The following RORA variants were observed in gnomAD, a reference collection of about 807,000 sequenced individuals.
The protein encoded by RORA is nuclear receptor ROR-alpha.
A neutral mutation model predicts 69.5 loss-of-function variants in RORA; 7 were observed. That is an observed-to-expected ratio of 0.10 (90% CI 0.06 to 0.19). The LOEUF is 0.19. Ranked by LOEUF, RORA falls within the 10% of genes least tolerant of loss-of-function variation. The pLI is 1.00. For missense variants in RORA, 457 were observed against 663.0 expected (o/e 0.69, Z 3.41); for synonymous variants, 261 against 240.8 (o/e 1.08, Z -0.78).
chr15:60,767,062 G>C (rs8025689), intron 1 of RORA, among the ~76,000 whole-genome samples: 30,647 of 152,154 alleles, frequency 0.2, 3,586 homozygotes, highest in African/African-American at 0.33. Context: ...ATTCAGATTA[G>C]TAACTAACAC....
intron 1 of RORA, among the ~76,000 whole-genome samples, chr15:60,948,202 A>T (rs1892960131): frequency 6.6e-6 from 1 of 152,110 alleles, no homozygotes; most frequent in African/African-American, 2.4e-5. Context: ...TGGGGACAAA[A>T]CTACCTGGAG....
chr15:60,992,975 C>G (rs1894426444), intron 1 of RORA, among the ~76,000 whole-genome samples: 1 of 152,186 alleles, frequency 6.6e-6, no homozygotes, highest in African/African-American at 2.4e-5. Flanking sequence ...CACCCACCCC[C>G]TCTCCCAAAG....
At chr15:60,901,976 C>T (rs1283845540) in intron 1 of RORA, among the ~76,000 whole-genome samples, 1 of 152,204 alleles carries the variant, frequency 6.6e-6, no homozygotes, top group African/African-American at 2.4e-5. Flanking sequence ...CCCTTTGAGG[C>T]CACTGCAATG....
intron 1 of RORA, among the ~76,000 whole-genome samples, chr15:60,799,608 A>G (rs1214211046): frequency 1.3e-5 from 2 of 152,142 alleles, no homozygotes; most frequent in Non-Finnish European, 2.9e-5. Context: ...ATGAGTCACT[A>G]AGGTAAACAA....
At chr15:60,706,274 T>C (rs1168165685) in intron 1 of RORA, 1 of 152,172 alleles carries the variant, frequency 6.6e-6, no homozygotes, top group Non-Finnish European at 1.5e-5. Flanking sequence ...ACAGCATGGG[T>C]AGTACGGATT....
intron 1 of RORA, among the ~76,000 whole-genome samples, chr15:61,200,729 T>A (rs1421880364): frequency 6.6e-6 from 1 of 152,154 alleles, no homozygotes; most frequent in East Asian, 1.9e-4. Flanking sequence ...TTCAATGCTG[T>A]CCTTTTGGCA....
At chr15:60,775,977 G>T (rs2072160389) in intron 1 of RORA, among the ~76,000 whole-genome samples, 1 of 152,182 alleles carries the variant, frequency 6.6e-6, no homozygotes, top group African/African-American at 2.4e-5. Flanking sequence ...TGCCAGAGGA[G>T]GCGTCAGATG....
intron 1 of RORA, among the ~76,000 whole-genome samples, chr15:61,227,788 C>G (rs984558959): frequency 1.3e-5 from 2 of 152,186 alleles, no homozygotes. Flanking sequence ...GTCCCCAGCT[C>G]CAGGCGGCTC....
intron 1 of RORA, among the ~76,000 whole-genome samples, chr15:60,733,914 CAGAGAGAGAGAGAG>C (rs58672002): frequency 7.5e-4 from 76 of 101,476 alleles, no homozygotes; most frequent in African/African-American, 2.5e-3. Context: ...AGAATAGGGG[CAGAGAGAGAGAGAG>C]AGAGAGAGAG....
intron 1 of RORA, among the ~76,000 whole-genome samples, chr15:60,978,536 T>A (rs1054334002): frequency 2.6e-5 from 4 of 152,244 alleles, no homozygotes; most frequent in African/African-American, 9.6e-5. Context: ...AAATCCAATT[T>A]ACCAATTTTT....
intron 1 of RORA, among the ~76,000 whole-genome samples, chr15:61,057,950 CA>C (rs1362829447): frequency 6.6e-6 from 1 of 152,206 alleles, no homozygotes; most frequent in Non-Finnish European, 1.5e-5. Flanking sequence ...GGAGATTCAG[CA>C]AAAGATCCTG....
At chr15:60,610,211 C>CACACACACACACACACACT (rs1214029398) in intron 2 of RORA, among the ~76,000 whole-genome samples, 1 of 151,762 alleles carries the variant, frequency 6.6e-6, no homozygotes, top group African/African-American at 2.4e-5. Flanking sequence ...CACACACACA[C>CACACACACACACACACACT]ACACACACAC....
chr15:60,592,223 T>C (rs1180544409), intron 2 of RORA, among the ~76,000 whole-genome samples: 2 of 151,044 alleles, frequency 1.3e-5, no homozygotes, highest in African/African-American at 4.9e-5. Context: ...CGGGCTCAGG[T>C]GGCGCCGCGG....
At chr15:60,625,581 C>T (rs115186404) in intron 2 of RORA, among the ~76,000 whole-genome samples, 2,303 of 152,206 alleles carry the variant, frequency 0.015, 53 homozygotes, top group African/African-American at 0.051. Flanking sequence ...GATTAAATAA[C>T]GTCTGGTGTA....
chr15:61,060,271 T>C (rs2078164205), intron 1 of RORA, among the ~76,000 whole-genome samples: 1 of 152,192 alleles, frequency 6.6e-6, no homozygotes, highest in Admixed American at 6.5e-5. Context: ...CCAAAGTGCG[T>C]GCCTGGCAAA....
intron 1 of RORA, among the ~76,000 whole-genome samples, chr15:60,789,696 A>G (rs2072388298): frequency 6.6e-6 from 1 of 152,210 alleles, no homozygotes; most frequent in African/African-American, 2.4e-5. Flanking sequence ...ATATTACAGA[A>G]ACCTATAACC....
At chr15:60,906,646 G>A (rs1222621270) in intron 1 of RORA, among the ~76,000 whole-genome samples, 1 of 152,116 alleles carries the variant, frequency 6.6e-6, no homozygotes, top group East Asian at 1.9e-4. Flanking sequence ...GCAAACAAGT[G>A]ATTTAAGGAA....
intron 1 of RORA, among the ~76,000 whole-genome samples, chr15:60,840,546 G>C (rs1388080712): frequency 6.6e-6 from 1 of 152,232 alleles, no homozygotes; most frequent in Non-Finnish European, 1.5e-5. Flanking sequence ...AGATGGTTCA[G>C]GACTCTGGAC....
chr15:60,828,980 C>T (rs1015608312), intron 1 of RORA, among the ~76,000 whole-genome samples: 1 of 152,214 alleles, frequency 6.6e-6, no homozygotes, highest in East Asian at 1.9e-4. Context: ...GCAAAGAAGA[C>T]ATCAGGTGTC....
Sources: allele counts gnomAD v4.1 joint callset (sites outside exome capture counted in the v4.1 genomes callset), GRCh38; gene constraint gnomAD v4.1.1; transcripts MANE v1.5; gene names NCBI Gene and HGNC (gene_info 2026-07-23, HGNC 2026-07-21).